PRIMA1: variants seen among roughly 807,000 people sequenced by gnomAD.
PRIMA1 encodes the protein proline rich membrane anchor 1, also known as proline-rich membrane anchor 1.
Under a neutral mutation model 17.5 loss-of-function variants are expected in PRIMA1, and 7 were observed. That is an observed-to-expected ratio of 0.40 (90% CI 0.23 to 0.75). The LOEUF (loss-of-function observed/expected upper bound fraction) is 0.75, where lower values mean the gene tolerates loss of function less well. Ranked by LOEUF, PRIMA1 falls within the 30% of genes least tolerant of loss-of-function variation. The probability of loss-of-function intolerance (pLI) is 0.37; values close to 1 mark genes in which losing one functional copy is unlikely to be tolerated. For synonymous variants in PRIMA1, 97 were observed against 77.9 expected (o/e 1.25, Z -1.29); for missense variants, 200 against 201.8 (o/e 0.99, Z 0.05).
chr14:93,749,174 G>A (rs1482975993), intron 3 of PRIMA1, among the ~76,000 whole-genome samples: 1 of 152,120 alleles, frequency 6.6e-6, no homozygotes, highest in East Asian at 1.9e-4. Context: ...CAGGCCTTCT[G>A]TTCCCACCAG....
intron 2 of PRIMA1, among the ~76,000 whole-genome samples, chr14:93,786,089 G>T (rs1210585304): frequency 1.3e-5 from 2 of 152,202 alleles, no homozygotes; most frequent in African/African-American, 2.4e-5. Flanking sequence ...TCACTACGTT[G>T]CTTCCCACCC....
Position 93,748,961 on chromosome 14 carries a change from G to A in PRIMA1, c.230-11591C>T, listed in dbSNP as rs577971032. 1.7e-4 allele frequency among the ~76,000 whole-genome samples: 26 copies of A among 152,226 alleles called. 1 individual carries two copies. The East Asian group carries it at 2.7e-3, about 16-fold the overall frequency. ...CTGGGTGGAGGCTGGGGCAGGAGCC[G>A]GGAACAGCAGGACACTGCCTGATAG... On this transcript the variant is annotated intron_variant, in intron 3 of 4. Transcript: ENST00000393140.
chr14:93,726,454 C>G lies in PRIMA1; in HGVS notation c.360-4908G>C, dbSNP rs183619704. Among the ~76,000 whole-genome samples the G allele has an allele frequency of 1.3e-5, 2 of 152,186 alleles. No individual in the cohort carries two copies. Among genetic ancestry groups the G allele is most frequent in the East Asian group, 3.9e-4 (2 of 5,176 alleles). On this transcript the variant is annotated intron_variant, in intron 4 of 4. Transcript: ENST00000393140. This position sits in a 1 kb window ranked among gnomAD's most constrained non-coding sequence, Gnocchi z 4.2. Reference sequence around the variant, plus strand: ...ACTCACCTCTTATGAAGGTATTCATCCCCCGACTGCCCACCCCGACACCCT... The same window carrying G: ...ACTCACCTCTTATGAAGGTATTCATGCCCCGACTGCCCACCCCGACACCCT...
At chr14:93,751,739 C>G (rs1168041747) in intron 3 of PRIMA1, among the ~76,000 whole-genome samples, 4 of 152,288 alleles carry the variant, frequency 2.6e-5, no homozygotes, top group South Asian at 4.2e-4. Context: ...CACTGCTGCT[C>G]AGTTGGTCTT....
chr14:93,776,177 GT>G (rs543145192), intron 3 of PRIMA1, among the ~76,000 whole-genome samples: 67 of 152,258 alleles, frequency 4.4e-4, no homozygotes, highest in Admixed American at 1.4e-3. Context: ...ATCCAATACC[GT>G]CATCATTTGA....
At chr14:93,762,567 C>T (rs914360617) in intron 3 of PRIMA1, among the ~76,000 whole-genome samples, 1 of 152,126 alleles carries the variant, frequency 6.6e-6, no homozygotes, top group Non-Finnish European at 1.5e-5. Context: ...CTCACATCCC[C>T]CCTGGTGCCA....
At chr14:93,788,959 C>T (rs1390343238), upstream of PRIMA1, among the ~76,000 whole-genome samples, 3 of 152,040 alleles carry the variant, frequency 2.0e-5, no homozygotes, top group African/African-American at 7.2e-5. Flanking sequence ...CGAGAGGCAG[C>T]GGCGGGAGGC....
chr14:93,726,272 T>C lies in PRIMA1; in HGVS notation c.360-4726A>G, dbSNP rs2076075505. On this transcript the variant is annotated intron_variant, in intron 4 of 4. Coordinates refer to ENST00000393140, the MANE Select transcript of PRIMA1 (RefSeq NM_178013.4). This position sits in a 1 kb window ranked among gnomAD's most constrained non-coding sequence, Gnocchi z 4.2. The stretch of plus-strand genomic sequence containing the variant: ...AGGGCCAGGACCCAGGTACCCCTCT[T>C]AGGCCCTGCTGATCATGATGTGACA... Among the ~76,000 whole-genome samples the C allele has an allele frequency of 6.6e-6, 1 of 152,308 alleles. No homozygotes were observed. The highest frequency in any genetic ancestry group is 6.5e-5 in the Admixed American group (1 of 15,304).
At chr14:93,780,410 C>A (rs1885345224) in intron 2 of PRIMA1, among the ~76,000 whole-genome samples, 2 of 152,176 alleles carry the variant, frequency 1.3e-5, no homozygotes, top group Admixed American at 1.3e-4. Flanking sequence ...AAGGGAATGC[C>A]CACCATTTGA....
intron 4 of PRIMA1, among the ~76,000 whole-genome samples, chr14:93,731,213 G>T (rs2076112207): frequency 6.6e-6 from 1 of 152,200 alleles, no homozygotes; most frequent in Non-Finnish European, 1.5e-5. Context: ...TGAGAAGAGG[G>T]GAAGTATGTT....
At chr14:93,772,505 C>G (rs1435277872) in intron 3 of PRIMA1, among the ~76,000 whole-genome samples, 1 of 152,258 alleles carries the variant, frequency 6.6e-6, no homozygotes, top group Non-Finnish European at 1.5e-5. Context: ...CCATCTGAGT[C>G]ACAGGCGGGG....
intron 3 of PRIMA1, among the ~76,000 whole-genome samples, chr14:93,745,715 G>C (rs920291509): frequency 6.6e-6 from 1 of 152,220 alleles, no homozygotes; most frequent in Non-Finnish European, 1.5e-5. Context: ...GGGTTATCAC[G>C]GTTGTCCCAT....
chr14:93,776,176 C>T (rs768726975), intron 3 of PRIMA1, among the ~76,000 whole-genome samples: 1 of 152,168 alleles, frequency 6.6e-6, no homozygotes, highest in Non-Finnish European at 1.5e-5. Context: ...AATCCAATAC[C>T]GTCATCATTT....
intron 3 of PRIMA1, among the ~76,000 whole-genome samples, chr14:93,761,179 C>G (rs1884712580): frequency 6.6e-6 from 1 of 152,016 alleles, no homozygotes; most frequent in East Asian, 1.9e-4. Flanking sequence ...AACCCTGTCT[C>G]TACTAAAAAT....
intron 4 of PRIMA1, among the ~76,000 whole-genome samples, chr14:93,728,883 T>G (rs1161090270): frequency 6.6e-6 from 1 of 152,054 alleles, no homozygotes; most frequent in African/African-American, 2.4e-5. Context: ...CACGGCAGGA[T>G]GGGATCTTAT....
At position 93,721,437 on chromosome 14, in the gene PRIMA1, T is replaced by C; in HGVS notation, c.*7A>G. ...CCCTCTGGCCAGCGGGTCCAGGGCC[T>C]GCAGACTCACACCACTGCGTTGTTC... On this transcript the variant is annotated 3_prime_UTR_variant, in exon 5 of 5. Coordinates refer to ENST00000393140, the MANE Select transcript of PRIMA1 (RefSeq NM_178013.4). 1.3e-6 allele frequency: 2 copies of C among 1,599,360 alleles called. No homozygotes were observed. Among genetic ancestry groups the C allele is most frequent in the Non-Finnish European group, 1.7e-6 (2 of 1,167,062 alleles).
chr14:93,788,610 AGC>A (rs1209636642), upstream of PRIMA1: 1 of 151,430 alleles, frequency 6.6e-6, no homozygotes, highest in Non-Finnish European at 1.5e-5. Flanking sequence ...GCCGGGGAGG[AGC>A]GCCCGGCGCT....
chr14:93,723,035 C>G (rs1348055907), intron 4 of PRIMA1, among the ~76,000 whole-genome samples: 2 of 152,058 alleles, frequency 1.3e-5, no homozygotes, highest in African/African-American at 4.8e-5. Context: ...TCTGAAATTA[C>G]AGTGTACTTT....
chr14:93,781,847 C>T (rs973087655), intron 2 of PRIMA1, among the ~76,000 whole-genome samples: 9 of 151,556 alleles, frequency 5.9e-5, no homozygotes, highest in African/African-American at 1.7e-4. Flanking sequence ...GGGTGGTGCA[C>T]GCCTGTAGTC....
Sources: allele counts gnomAD v4.1 joint callset (sites outside exome capture counted in the v4.1 genomes callset), GRCh38; gene constraint gnomAD v4.1.1; non-coding constraint Gnocchi (gnomAD v3.1); transcripts MANE v1.5; gene names NCBI Gene and HGNC (gene_info 2026-07-23, HGNC 2026-07-21).